The following FHOD3 variants were observed in gnomAD, a reference collection of about 807,000 sequenced individuals.
FHOD3 encodes the protein formin homology 2 domain containing 3.
A neutral mutation model predicts 173.0 loss-of-function variants in FHOD3; 90 were observed. The ratio of observed to expected loss-of-function variants is 0.52; its 90% confidence interval spans 0.44 to 0.62. The LOEUF is 0.62. Among genes scored for constraint, FHOD3 ranks in the 20% least tolerant of loss-of-function variants. FHOD3 has a pLI of 0.00. For synonymous variants in FHOD3, 828 were observed against 823.0 expected (o/e 1.01, Z -0.10); for missense variants, 1,945 against 2,034.7 (o/e 0.96, Z 0.85).
In FHOD3 at chr18:36,655,745, CCACACACACACA is replaced by C; in HGVS notation, c.1722-2313_1722-2302del. On this transcript the variant is annotated intron_variant, in intron 13 of 28. Coordinates refer to ENST00000590592, the MANE Select transcript of FHOD3 (RefSeq NM_001281740.3). ...AGTCATTAAAAAGAACCCTCACCCT[CCACACACACACA>C]CACACACACACACACAAAAATGCTG... Among the ~76,000 whole-genome samples the C allele has an allele frequency of 2.2e-5, 3 of 137,952 alleles. No homozygotes were observed. In the South Asian group the frequency reaches 7.5e-4, roughly 35 times the overall value. 90.5% of individuals were successfully genotyped at this position (137,952 alleles called of 152,430 possible).
chr18:36,647,499 TA>T (rs1423418979), intron 10 of FHOD3, among the ~76,000 whole-genome samples: 2 of 148,940 alleles, frequency 1.3e-5, no homozygotes, highest in African/African-American at 2.5e-5. Flanking sequence ...ATCTACTACT[TA>T]TGGGGATGGT....
At chr18:36,649,676 C>G (rs2035922857) in intron 11 of FHOD3, among the ~76,000 whole-genome samples, 3 of 152,290 alleles carry the variant, frequency 2.0e-5, no homozygotes, top group South Asian at 2.1e-4. Context: ...CTTTCCCTCC[C>G]TCATTGAATG....
chr18:36,660,712 G>A (rs2036734235), intron 14 of FHOD3, among the ~76,000 whole-genome samples: 1 of 152,216 alleles, frequency 6.6e-6, no homozygotes, highest in Non-Finnish European at 1.5e-5. Flanking sequence ...CAAGGAGCCT[G>A]TCTGACATCC....
At chr18:36,517,328 C>T (rs565400940) in intron 5 of FHOD3, among the ~76,000 whole-genome samples, 1 of 152,296 alleles carries the variant, frequency 6.6e-6, no homozygotes, top group South Asian at 2.1e-4. Flanking sequence ...ACTGAGCCTT[C>T]TCTATGGGCC....
intron 3 of FHOD3, among the ~76,000 whole-genome samples, chr18:36,487,345 G>A (rs1215137705): frequency 1.3e-5 from 2 of 152,152 alleles, no homozygotes; most frequent in East Asian, 3.8e-4. Context: ...TTCTAACATT[G>A]TAACATGCAA....
intron 20 of FHOD3, among the ~76,000 whole-genome samples, chr18:36,734,635 T>C (rs1160215215): frequency 6.6e-6 from 1 of 152,150 alleles, no homozygotes; most frequent in Non-Finnish European, 1.5e-5. Flanking sequence ...GCAGAGATGA[T>C]CTAGATCCAT....
intron 2 of FHOD3, among the ~76,000 whole-genome samples, chr18:36,357,260 C>A (rs963070355): frequency 6.6e-6 from 1 of 152,176 alleles, no homozygotes; most frequent in East Asian, 1.9e-4. Flanking sequence ...AATTTATGAT[C>A]ATTGATTGTG....
chr18:36,600,252 AACACACACACACACACACACACAC>A (rs67473480), intron 7 of FHOD3, among the ~76,000 whole-genome samples: 4 of 143,068 alleles, frequency 2.8e-5, no homozygotes, highest in African/African-American at 1.0e-4. Flanking sequence ...TCTCCTCTGC[AACACACACACACACACACACACAC>A]ACACACACAC....
At chr18:36,329,049 A>G (rs1275103016) in intron 1 of FHOD3, among the ~76,000 whole-genome samples, 1 of 152,106 alleles carries the variant, frequency 6.6e-6, no homozygotes, top group African/African-American at 2.4e-5. Flanking sequence ...GAGTACAGAG[A>G]AAGTGTGGGA....
At chr18:36,447,245 A>G (rs565622275) in intron 3 of FHOD3, among the ~76,000 whole-genome samples, 6 of 152,294 alleles carry the variant, frequency 3.9e-5, no homozygotes, top group Admixed American at 1.3e-4. Context: ...CCTTTGTGTA[A>G]AAATGATGTT....
chr18:36,332,400 A>G (rs2045066194), intron 1 of FHOD3, among the ~76,000 whole-genome samples: 1 of 152,194 alleles, frequency 6.6e-6, no homozygotes, highest in Non-Finnish European at 1.5e-5. Flanking sequence ...AGAGGGAAGG[A>G]GACATGATTC....
At position 36,718,183 on chromosome 18, in the gene FHOD3, A is replaced by G; in HGVS notation, c.2885A>G (p.Asp962Gly). ...GSISPDAEPN[D>G]KVPETAPVQP... ...ATCTCCCCTGATGCTGAGCCCAATG[A>G]CAAGGTCCCAGAAACAGCGCCGGTG... The change falls in exon 19 of 29, where the codon GAC (aspartate) becomes GGC (glycine). Residue 962 changes from aspartate (D) to glycine (G), a missense_variant. Asp to Gly is a moderately conservative substitution (Grantham distance 94, BLOSUM62 -1). Around this residue, in one of 5 missense-constraint regions of FHOD3, gnomAD observed 1,099 missense variants for 1,051.2 expected, o/e 1.05. Coordinates refer to ENST00000590592, the MANE Select transcript of FHOD3 (RefSeq NM_001281740.3). 9 of 1,613,464 alleles carry G rather than the reference A, an allele frequency of 5.6e-6. No homozygotes were observed. Among genetic ancestry groups the G allele is most frequent in the Non-Finnish European group, 7.6e-6 (9 of 1,179,666 alleles).
intron 3 of FHOD3, among the ~76,000 whole-genome samples, chr18:36,478,663 T>G (rs577486219): frequency 1.3e-5 from 2 of 152,228 alleles, no homozygotes; most frequent in South Asian, 4.1e-4. Context: ...GTAGCCAGAG[T>G]GATTGTTCTA....
chr18:36,373,237 G>A lies in FHOD3; in HGVS notation c.337+493G>A, dbSNP rs529569459. On this transcript the variant is annotated intron_variant, in intron 3 of 28. Coordinates refer to ENST00000590592, the MANE Select transcript of FHOD3 (RefSeq NM_001281740.3). ...TTTGTGGTTCAGAATGGCTTGCTGC[G>A]GGAAGCCCAGTTTCCTCCTGGTAAT... is the stretch of plus-strand genomic sequence containing the variant. 1.8e-3 allele frequency among the ~76,000 whole-genome samples: 280 copies of A among 152,286 alleles called. 2 individuals carry two copies. The highest frequency in any genetic ancestry group is 6.3e-3 in the African/African-American group (263 of 41,554).
At chr18:36,653,665 T>C (rs2036217982) in intron 13 of FHOD3, among the ~76,000 whole-genome samples, 1 of 152,188 alleles carries the variant, frequency 6.6e-6, no homozygotes, top group Non-Finnish European at 1.5e-5. Flanking sequence ...TGTCCACCTG[T>C]ATTAATGCCT....
chr18:36,742,997 G>A, intron 22 of FHOD3, 141 bp downstream of exon 22: 7 of 1,292,702 alleles, frequency 5.4e-6, no homozygotes, highest in South Asian at 2.9e-5. Flanking sequence ...TGAAAATCTA[G>A]AAGGAATTTG....
intron 5 of FHOD3, among the ~76,000 whole-genome samples, chr18:36,566,297 A>G (rs2058261292): frequency 6.6e-6 from 1 of 152,304 alleles, no homozygotes; most frequent in Admixed American, 6.5e-5. Flanking sequence ...CTAAGAAAAC[A>G]TTTTTAAAAA....
At chr18:36,706,984 A>T (rs2149648060) in intron 17 of FHOD3, among the ~76,000 whole-genome samples, 1 of 152,046 alleles carries the variant, frequency 6.6e-6, no homozygotes, top group African/African-American at 2.4e-5. Context: ...TCTCCTAAAT[A>T]CTCTATTATC....
At chr18:36,757,832 G>A (rs2042696849) in intron 25 of FHOD3, among the ~76,000 whole-genome samples, 1 of 152,146 alleles carries the variant, frequency 6.6e-6, no homozygotes, top group African/African-American at 2.4e-5. Context: ...AGAGCAAATG[G>A]TGACATAGAC....
Sources: gnomAD v4.1 joint callset for allele counts (sites outside exome capture counted in the v4.1 genomes callset) on GRCh38, gnomAD v4.1.1 for gene constraint, gnomAD v4.1.1 regional missense constraint, MANE v1.5 for transcripts, NCBI Gene and HGNC (gene_info 2026-07-23, HGNC 2026-07-21) for gene names.